The following TCHP variants were observed in gnomAD, a reference collection of about 807,000 sequenced individuals.
The protein encoded by TCHP is trichoplein keratin filament binding.
TCHP carries 81 observed loss-of-function variants against 88.7 expected under a neutral mutation model. That is an observed-to-expected ratio of 0.91 (90% confidence interval 0.76 to 1.10). The LOEUF is 1.10. Among genes scored for constraint, TCHP ranks in the 50% least tolerant of loss-of-function variants. The pLI is 0.00. For synonymous variants in TCHP, 232 were observed against 232.5 expected (o/e 1.00, Z 0.02); for missense variants, 641 against 632.1 (o/e 1.01, Z -0.15).
chr12:109,900,728 A>G (rs1380188044), intron 1 of TCHP: 3 of 152,360 alleles, frequency 2.0e-5, no homozygotes, highest in Admixed American at 6.5e-5. Context: ...GGAGCGGGAA[A>G]AAAGTATGTG....
the TCHP span, among the ~76,000 whole-genome samples, chr12:109,886,095 C>A: frequency 5.3e-5 from 8 of 152,264 alleles, no homozygotes; most frequent in East Asian, 1.5e-3. Flanking sequence ...TTATTTACAT[C>A]AGTGGGGACT....
At chr12:109,892,910 G>T in the TCHP span, among the ~76,000 whole-genome samples, 5 of 152,262 alleles carry the variant, frequency 3.3e-5, no homozygotes, top group Middle Eastern at 3.4e-3. Context: ...CCTCTTTGTG[G>T]CTTCAGTTTC....
the TCHP span, among the ~76,000 whole-genome samples, chr12:109,886,426 C>T: frequency 5.1e-4 from 77 of 152,298 alleles, 1 homozygote; most frequent in Middle Eastern, 6.8e-3. Flanking sequence ...GCGTAAGCCA[C>T]CATGCCCGGC....
chr12:109,895,995 G>A (rs1298633273), upstream of TCHP, among the ~76,000 whole-genome samples: 1 of 152,010 alleles, frequency 6.6e-6, no homozygotes, highest in Non-Finnish European at 1.5e-5. Flanking sequence ...TGCCCAGGTT[G>A]GAGTGCAGTG....
intron 4 of TCHP, among the ~76,000 whole-genome samples, 190 bp from the exon 5 acceptor site, chr12:109,906,382 T>C (rs1426162891): frequency 1.3e-5 from 2 of 152,168 alleles, no homozygotes; most frequent in East Asian, 1.9e-4. Context: ...GGTCTTCTGA[T>C]TGACATGCAT....
the TCHP span, among the ~76,000 whole-genome samples, chr12:109,890,022 C>G: frequency 6.6e-6 from 1 of 152,152 alleles, no homozygotes; most frequent in Non-Finnish European, 1.5e-5. Flanking sequence ...GGGATACAGC[C>G]AAGTTTTGGA....
intron 6 of TCHP, 128 bp downstream of exon 6, chr12:109,907,827 C>G (rs1044720149): frequency 5.9e-6 from 6 of 1,021,620 alleles, no homozygotes; most frequent in Non-Finnish European, 8.5e-6. Context: ...CGGCAGCAGC[C>G]GGGTTCTCCC....
intron 9 of TCHP, among the ~76,000 whole-genome samples, chr12:109,911,499 A>G (rs989870644): frequency 6.6e-5 from 10 of 151,444 alleles, no homozygotes; most frequent in Non-Finnish European, 8.8e-5. Context: ...TGTAGTTCCA[A>G]CTACTCGGGA....
rs1870706342 is a variant in TCHP at position 109,914,764 on chromosome 12, A to C, written c.1320+137A>C. ...AGCACGGTGCTCCCGTTTCCATCCC[A>C]GCTGCAGTCCTCATCCTCTTGACTG... is the stretch of plus-strand genomic sequence containing the variant. On this transcript the variant is annotated intron_variant, in intron 11 of 12. Transcript: ENST00000405876. 1.8e-5 allele frequency: 12 copies of C among 662,928 alleles called. No individual in the cohort carries two copies. In the Middle Eastern group the frequency reaches 1.7e-3, roughly 93 times the overall value. 41.1% of individuals were successfully genotyped at this position (662,928 alleles called of 1,614,324 possible).
chr12:109,903,254 C>T lies in TCHP; in HGVS notation c.188+40C>T. ...ACTGCCGATTGGATGGAAGTGGGGA[C>T]CACTTGCTGGTCAGGGGATGAGGCC... On this transcript the variant is annotated intron_variant, in intron 2 of 12. Coordinates refer to ENST00000405876, the MANE Select transcript of TCHP (RefSeq NM_001143852.2). The surrounding 1 kb of genome is among the most constrained non-coding windows in gnomAD (Gnocchi z 4.6). 1.3e-6 allele frequency: 2 copies of T among 1,569,890 alleles called. No homozygotes were observed. The highest frequency in any genetic ancestry group is 8.7e-7 in the Non-Finnish European group (1 of 1,148,822).
At chr12:109,906,920 GCT>G (rs1870165490) in intron 5 of TCHP, among the ~76,000 whole-genome samples, 2 of 152,178 alleles carry the variant, frequency 1.3e-5, no homozygotes, top group African/African-American at 4.8e-5. Context: ...GCAGGGTCTT[GCT>G]CTGTCACCCA....
rs550826280 is a variant in TCHP, at chr12:109,902,001, T to C, written c.1-1026T>C. Reference sequence around the variant, plus strand: ...ATTGTAAGAATGAAAAAAAGTCATATGTATTGAGTGCTTGGCACATACATG... The same window carrying C: ...ATTGTAAGAATGAAAAAAAGTCATACGTATTGAGTGCTTGGCACATACATG... On this transcript the variant is annotated intron_variant, in intron 1 of 12. Transcript: ENST00000405876. Among the ~76,000 whole-genome samples, 3 of 152,350 alleles carry C rather than the reference T, an allele frequency of 2.0e-5. No homozygotes were observed. The South Asian group carries it at 6.2e-4, about 32-fold the overall frequency.
chr12:109,916,128 G>T (rs1391789552), intron 12 of TCHP, among the ~76,000 whole-genome samples: 1 of 152,206 alleles, frequency 6.6e-6, no homozygotes, highest in Admixed American at 6.5e-5. Flanking sequence ...TGTCCCCTCT[G>T]CCCTCCTTTA....
At chr12:109,909,001 C>T in intron 8 of TCHP, 64 bp downstream of exon 8, 1 of 1,474,340 alleles carries the variant, frequency 6.8e-7, no homozygotes, top group Non-Finnish European at 9.5e-7. Flanking sequence ...CCTTCCATTG[C>T]TTAGTATATG....
the TCHP span, among the ~76,000 whole-genome samples, chr12:109,891,343 G>A: frequency 6.6e-6 from 1 of 151,184 alleles, no homozygotes; most frequent in African/African-American, 2.4e-5. Flanking sequence ...GCTATGGTCA[G>A]TTCTAACTAA....
Position 109,906,629 on chromosome 12 carries a change from G to GA in TCHP, c.522dup (p.Gln175ThrfsTer14), listed in dbSNP as rs763438715. On this transcript the variant is annotated frameshift_variant, in exon 5 of 13. Coordinates refer to ENST00000405876, the MANE Select transcript of TCHP (RefSeq NM_001143852.2). LOFTEE classifies it high-confidence loss of function. Reference sequence around the variant, plus strand: ...AAACTCTTGGGAAATGCAGAAAGAAGAAAAAAAACAGGTGTGGTATGTGGC... The same window carrying GA: ...AAACTCTTGGGAAATGCAGAAAGAAGAAAAAAAAACAGGTGTGGTATGTGGC... 1.2e-4 allele frequency: 185 copies of GA among 1,607,320 alleles called. 1 individual carries two copies. In the Admixed American group the frequency reaches 2.5e-3, roughly 22 times the overall value.
chr12:109,916,212 C>T (rs1273421574), intron 12 of TCHP, among the ~76,000 whole-genome samples: 2 of 152,226 alleles, frequency 1.3e-5, no homozygotes, highest in Non-Finnish European at 2.9e-5. Flanking sequence ...AGGGCTGGCT[C>T]CCTTGTGGTC....
intron 6 of TCHP, 43 bp from the exon 7 acceptor site, chr12:109,908,543 C>T (rs374499621): frequency 1.8e-5 from 27 of 1,478,002 alleles, no homozygotes; most frequent in African/African-American, 2.7e-5. Flanking sequence ...CTGATTCCCA[C>T]GATCTCAGAT....
the TCHP span, among the ~76,000 whole-genome samples, chr12:109,883,534 C>A: frequency 3.3e-5 from 5 of 152,048 alleles, no homozygotes; most frequent in Non-Finnish European, 7.4e-5. Flanking sequence ...TTGTTCCCAC[C>A]CCACCCAACC....
Sources: allele counts gnomAD v4.1 joint callset (sites outside exome capture counted in the v4.1 genomes callset), GRCh38; gene constraint gnomAD v4.1.1; non-coding constraint Gnocchi (gnomAD v3.1); transcripts MANE v1.5; gene names NCBI Gene and HGNC (gene_info 2026-07-23, HGNC 2026-07-21).